ERBB2: variants seen among roughly 807,000 people sequenced by gnomAD.
ERBB2 encodes erb-b2 receptor tyrosine kinase 2.
A neutral mutation model predicts 149.0 loss-of-function variants in ERBB2; 61 were observed. The observed-to-expected ratio is 0.41, with a 90% CI of 0.33 to 0.51. ERBB2 has a LOEUF of 0.51. Among genes scored for constraint, ERBB2 ranks in the 20% least tolerant of loss-of-function variants. The pLI, the probability that ERBB2 is intolerant of heterozygous loss-of-function variation, is 0.25. For synonymous variants in ERBB2, 633 were observed against 678.8 expected (o/e 0.93, Z 1.05); for missense variants, 1,205 against 1,655.1 (o/e 0.73, Z 4.72).
chr17:39,712,484 G>A (rs75051248), intron 9 of ERBB2, 36 bp downstream of exon 9: 3 of 1,608,362 alleles, frequency 1.9e-6, no homozygotes, highest in Non-Finnish European at 2.5e-6. Flanking sequence ...ACAGTGTCAG[G>A]GCAGACAGAG....
chr17:39,722,506 T>C (rs2059505225), intron 16 of ERBB2, among the ~76,000 whole-genome samples: 1 of 151,908 alleles, frequency 6.6e-6, no homozygotes, highest in Admixed American at 6.6e-5. Context: ...GTCTCAAAAA[T>C]AAATAAATAA....
In ERBB2 at chr17:39,725,073, C is replaced by T. The variant is rs369828131; in HGVS notation, c.2518C>T (p.Arg840Trp). Residue 840 changes from arginine to tryptophan, a missense_variant, in exon 21 of 27, where the codon CGG becomes TGG. Arg to Trp is a moderately radical substitution (Grantham distance 101). Coordinates refer to ENST00000269571, the MANE Select transcript of ERBB2 (RefSeq NM_004448.4). The surrounding 1 kb of genome is among the most constrained non-coding windows in gnomAD (Gnocchi z 4.6). Reference sequence around the variant, plus strand: ...GGGGATGAGCTACCTGGAGGATGTGCGGCTCGTACACAGGGACTTGGCCGC... The same window carrying T: ...GGGGATGAGCTACCTGGAGGATGTGTGGCTCGTACACAGGGACTTGGCCGC... ...AKGMSYLEDV[R>W]LVHRDLAARN... 4 of 1,614,108 alleles carry T rather than the reference C, an allele frequency of 2.5e-6. No individual in the cohort carries two copies. The highest frequency in any genetic ancestry group is 2.2e-5 in the South Asian group (2 of 91,080).
intron 1 of ERBB2, chr17:39,703,472 G>T (rs774705145): frequency 6.6e-6 from 1 of 152,236 alleles, no homozygotes; most frequent in Non-Finnish European, 1.5e-5. Flanking sequence ...AATTATTCTA[G>T]CGAATGTTTG....
At chr17:39,693,735 A>T (rs2057762364), upstream of ERBB2, among the ~76,000 whole-genome samples, 1 of 150,870 alleles carries the variant, frequency 6.6e-6, no homozygotes, top group South Asian at 2.1e-4. Flanking sequence ...TCCAGCCTGG[A>T]CAACAGAGCG....
chr17:39,702,711 TCTTAA>T (rs1202296441), intron 1 of ERBB2, among the ~76,000 whole-genome samples: 3 of 152,358 alleles, frequency 2.0e-5, no homozygotes, highest in Non-Finnish European at 4.4e-5. Flanking sequence ...ACCTGTCTTG[TCTTAA>T]CTTTTAAGAA....
At chr17:39,697,341 G>GTTTT (rs1313244019), upstream of ERBB2, among the ~76,000 whole-genome samples, 124 of 137,818 alleles carry the variant, frequency 9.0e-4, 3 homozygotes, top group African/African-American at 2.1e-3. Context: ...TGCTAGGGTT[G>GTTTT]TTTTTTTGTT....
Position 39,700,149 on chromosome 17 carries a change from C to A in ERBB2, c.-90C>A, listed in dbSNP as rs1597850469. 2.3e-6 allele frequency: 3 copies of A among 1,321,066 alleles called. No homozygotes were observed. Among genetic ancestry groups the A allele is most frequent in the Non-Finnish European group, 2.9e-6 (3 of 1,043,120 alleles). The allele number at this position is 1,321,066 out of a possible 1,614,324, so 81.8% of individuals were successfully genotyped here. On this transcript the variant is annotated 5_prime_UTR_variant, in exon 1 of 27. Coordinates refer to ENST00000269571, the MANE Select transcript of ERBB2 (RefSeq NM_004448.4). Reference sequence around the variant, plus strand: ...ACGGGGCCCTTTACTGCGCCGCGCGCCCGGCCCCCACCCCTCGCAGCACCC... The same window carrying A: ...ACGGGGCCCTTTACTGCGCCGCGCGACCGGCCCCCACCCCTCGCAGCACCC...
chr17:39,693,865 G>A (rs2057766501), upstream of ERBB2, among the ~76,000 whole-genome samples: 1 of 150,682 alleles, frequency 6.6e-6, no homozygotes, highest in Non-Finnish European at 1.5e-5. Context: ...AAGGTGGACA[G>A]ATCACCTGAG....
chr17:39,713,642 A>T (rs894306036), intron 9 of ERBB2, among the ~76,000 whole-genome samples: 1 of 151,522 alleles, frequency 6.6e-6, no homozygotes, highest in African/African-American at 2.4e-5. Context: ...CATCCCAGCT[A>T]CTTGGGAGGC....
chr17:39,697,348 T>G (rs2057887286), upstream of ERBB2, among the ~76,000 whole-genome samples: 1 of 146,982 alleles, frequency 6.8e-6, no homozygotes, highest in African/African-American at 2.7e-5. Context: ...GTTGTTTTTT[T>G]GTTTTGTTTT....
chr17:39,720,537 G>T (rs2059391624), intron 16 of ERBB2, among the ~76,000 whole-genome samples: 1 of 152,214 alleles, frequency 6.6e-6, no homozygotes, highest in South Asian at 2.1e-4. Flanking sequence ...ATGAGCATGT[G>T]TTACAGGCTT....
At chr17:39,707,229 G>T in intron 2 of ERBB2, 88 bp downstream of exon 2, 1 of 1,177,596 alleles carries the variant, frequency 8.5e-7, no homozygotes, top group Non-Finnish European at 1.1e-6. Flanking sequence ...AAGGTGCCCT[G>T]CCCTTCTGTT....
chr17:39,724,745 G>C lies in ERBB2; in HGVS notation c.2327G>C (p.Gly776Ala), dbSNP rs144434331. 35 of 1,614,178 alleles carry C rather than the reference G, an allele frequency of 2.2e-5. No individual in the cohort carries two copies. The highest frequency in any genetic ancestry group is 3.0e-5 in the Non-Finnish European group (35 of 1,180,032). ...EILDEAYVMA[G>A]VGSPYVSRLL... ...CCCCAGGAAGCATACGTGATGGCTG[G>C]TGTGGGCTCCCCATATGTCTCCCGC... The change falls in exon 20 of 27, where the codon GGT becomes GCT. Residue 776 changes from glycine (G) to alanine (A), a missense_variant. Coordinates refer to ENST00000269571, the MANE Select transcript of ERBB2 (RefSeq NM_004448.4).
intron 19 of ERBB2, among the ~76,000 whole-genome samples, 154 bp downstream of exon 19, chr17:39,724,164 G>C (rs747704071): frequency 5.9e-5 from 9 of 151,962 alleles, no homozygotes; most frequent in Non-Finnish European, 1.0e-4. Flanking sequence ...TGTCACCCAG[G>C]CTGGAGTGCA....
intron 7 of ERBB2, among the ~76,000 whole-genome samples, chr17:39,711,054 C>G (rs1393862713): frequency 6.6e-6 from 1 of 152,158 alleles, no homozygotes; most frequent in Non-Finnish European, 1.5e-5. Flanking sequence ...CGCCCACCAC[C>G]ATGCCTCGCT....
chr17:39,717,222 G>T, intron 14 of ERBB2, 98 bp from the exon 15 acceptor site: 2 of 999,780 alleles, frequency 2.0e-6, no homozygotes, highest in Non-Finnish European at 2.8e-6. Flanking sequence ...CTGCTGGGTG[G>T]CCTTGGGAAG....
chr17:39,697,252 G>A (rs2057883784), upstream of ERBB2, among the ~76,000 whole-genome samples: 3 of 151,974 alleles, frequency 2.0e-5, no homozygotes, highest in South Asian at 2.1e-4. Flanking sequence ...TTGTGACAGC[G>A]GTCCAAGGAA....
chr17:39,707,019 C>T lies in ERBB2; in HGVS notation c.103C>T (p.Leu35Phe), dbSNP rs2145405231. 6.3e-7 allele frequency: 1 copy of T among 1,599,408 alleles called. No homozygotes were observed. The highest frequency in any genetic ancestry group is 1.1e-5 in the South Asian group (1 of 88,892). ...VCTGTDMKLR[L>F]PASPETHLDM... ...CACCGGCACAGACATGAAGCTGCGG[C>T]TCCCTGCCAGTCCCGAGACCCACCT... The change falls in exon 2 of 27, where the codon CTC (leucine) becomes TTC (phenylalanine). Residue 35 changes from leucine (L) to phenylalanine (F), a missense_variant. This residue lies in a region of ERBB2 where 101 missense variants were observed against 95.1 expected (regional missense o/e 1.06). Transcript: ENST00000269571.
chr17:39,724,943 G>C (rs754397880), intron 20 of ERBB2, 32 bp downstream of exon 20: 3 of 1,609,818 alleles, frequency 1.9e-6, no homozygotes, highest in South Asian at 1.1e-5. Context: ...AGGTCTCTCC[G>C]GAGCAAACCC....
Sources: gnomAD v4.1 joint callset for allele counts (sites outside exome capture counted in the v4.1 genomes callset) on GRCh38, gnomAD v4.1.1 for gene constraint, gnomAD v4.1.1 regional missense constraint, Gnocchi (gnomAD v3.1) non-coding constraint, MANE v1.5 for transcripts, NCBI Gene and HGNC (gene_info 2026-07-23, HGNC 2026-07-21) for gene names.